The following PPM1B variants were observed in gnomAD, a reference collection of about 807,000 sequenced individuals.
PPM1B encodes protein phosphatase, Mg2+/Mn2+ dependent 1B.
Under a neutral mutation model 43.0 loss-of-function variants are expected in PPM1B, and 22 were observed. The observed-to-expected ratio is 0.51, with a 90% CI of 0.37 to 0.73. The LOEUF is 0.73. PPM1B is among the 30% of genes least tolerant of loss of function. The probability of loss-of-function intolerance (pLI) is 0.00; values close to 1 mark genes in which losing one functional copy is unlikely to be tolerated. For synonymous variants in PPM1B, 217 were observed against 197.9 expected (o/e 1.10, Z -0.81); for missense variants, 632 against 584.2 (o/e 1.08, Z -0.84).
chr2:44,241,006 A>T lies in PPM1B; in HGVS notation n.1547-3222A>T, dbSNP rs961199143. ...GAAATTGGGAAGCATCTTTATTTTT[A>T]TTTTTTTTTTTTTTGAGACGGAGTT... On this transcript the variant is annotated intron_variant and non_coding_transcript_variant, in intron 5 of 5. Transcript: ENST00000378540. Among the ~76,000 whole-genome samples the T allele has an allele frequency of 1.6e-4, 21 of 133,758 alleles. 2 individuals carry two copies. Among genetic ancestry groups the T allele is most frequent in the Admixed American group, 5.2e-4 (7 of 13,528 alleles). The allele number at this position is 133,758 out of a possible 152,430, so 87.8% of individuals were successfully genotyped here.
chr2:44,171,256 A>G (rs992116553), intron 1 of PPM1B, among the ~76,000 whole-genome samples: 13 of 152,132 alleles, frequency 8.5e-5, no homozygotes, highest in African/African-American at 3.1e-4. Context: ...ATGTCAGTAA[A>G]TACTGTTTTA....
intron 1 of PPM1B, among the ~76,000 whole-genome samples, chr2:44,170,854 T>A (rs564836457): frequency 5.3e-5 from 8 of 152,346 alleles, no homozygotes; most frequent in African/African-American, 1.9e-4. Context: ...CTAATCGAAA[T>A]TTTAAAATTA....
intron 1 of PPM1B, among the ~76,000 whole-genome samples, chr2:44,186,795 G>T (rs1668145112): frequency 6.6e-6 from 1 of 152,202 alleles, no homozygotes; most frequent in African/African-American, 2.4e-5. Context: ...TTGATGAGAA[G>T]TCTCGTGCTA....
downstream of PPM1B, among the ~76,000 whole-genome samples, chr2:44,235,265 A>AGTGAAC (rs1415869226): frequency 2.0e-5 from 3 of 152,224 alleles, no homozygotes; most frequent in East Asian, 5.8e-4. Flanking sequence ...TCACTGAATT[A>AGTGAAC]TGCAGTTCTT....
rs1668812703 is a variant in PPM1B at position 44,199,304 on chromosome 2, A to AAAAAAAAAAAAAATAAAAAT, written c.-14-1868_-14-1849dup. 6.6e-5 allele frequency among the ~76,000 whole-genome samples: 8 copies of AAAAAAAAAAAAAATAAAAAT among 121,014 alleles called. No individual in the cohort carries two copies. The South Asian group carries it at 1.1e-3, about 16-fold the overall frequency. The allele number at this position is 121,014 out of a possible 152,430, so 79.4% of individuals were successfully genotyped here. On this transcript the variant is annotated intron_variant, in intron 1 of 5. Transcript: ENST00000282412. ...GTGGTGGCACGTGCCTGTAGATCTC[A>AAAAAAAAAAAAAATAAAAAT]AAAAAAAAAAAAATAAAAATAAAAA...
At chr2:44,232,962 A>C (rs149010220), downstream of PPM1B, 421 of 978,844 alleles carry the variant, frequency 4.3e-4, 9 homozygotes, top group East Asian at 0.035. Context: ...ATTTGGGAAT[A>C]ATATTATAAA....
intron 1 of PPM1B, among the ~76,000 whole-genome samples, chr2:44,195,412 A>G (rs901068854): frequency 2.6e-5 from 4 of 151,620 alleles, no homozygotes; most frequent in Non-Finnish European, 5.9e-5. Context: ...GGGTCTTGCT[A>G]TGTTGCCCAG....
chr2:44,227,842 T>G (rs959636116), intron 5 of PPM1B, among the ~76,000 whole-genome samples: 9 of 151,422 alleles, frequency 5.9e-5, no homozygotes, highest in Admixed American at 5.3e-4. Context: ...TTTTTTGCCA[T>G]GAGGATACTT....
chr2:44,223,763 C>T (rs891438731), intron 5 of PPM1B, among the ~76,000 whole-genome samples: 4 of 130,446 alleles, frequency 3.1e-5, no homozygotes, highest in East Asian at 4.6e-4. Context: ...TTGCGGTGAG[C>T]CAAGATTGCA....
At chr2:44,169,684 C>A (rs1434233737) in intron 1 of PPM1B, among the ~76,000 whole-genome samples, 1 of 152,248 alleles carries the variant, frequency 6.6e-6, no homozygotes, top group Non-Finnish European at 1.5e-5. Flanking sequence ...TTTTACCATT[C>A]GTTTCCTCAT....
intron 5 of PPM1B, among the ~76,000 whole-genome samples, chr2:44,243,956 C>A (rs1484903814): frequency 1.3e-5 from 2 of 152,008 alleles, no homozygotes; most frequent in Non-Finnish European, 1.5e-5. Flanking sequence ...TGAGTTCCAC[C>A]AGGAAGATGC....
At chr2:44,233,224 T>C (rs1476062631), downstream of PPM1B, 1 of 909,724 alleles carries the variant, frequency 1.1e-6, no homozygotes, top group Non-Finnish European at 1.3e-6. Context: ...TAATCATTTA[T>C]GTTATTTTAA....
At chr2:44,228,980 C>G (rs1239517024) in intron 5 of PPM1B, among the ~76,000 whole-genome samples, 2 of 151,960 alleles carry the variant, frequency 1.3e-5, no homozygotes, top group Non-Finnish European at 2.9e-5. Context: ...GTTGGGAGTT[C>G]GAGACCAGCC....
In PPM1B at chr2:44,230,841, T is replaced by C; in HGVS notation, c.*123T>C. ...GAAAACTAGTTTTATTATATTCAGA[T>C]AGCCTTGTTTTTTAAAAAGGCCTTT... On this transcript the variant is annotated 3_prime_UTR_variant, in exon 6 of 6. Transcript: ENST00000282412. 3 of 1,443,288 alleles carry C rather than the reference T, an allele frequency of 2.1e-6. No homozygotes were observed. The highest frequency in any genetic ancestry group is 1.5e-5 in the South Asian group (1 of 66,330). 89.4% of individuals were successfully genotyped at this position (1,443,288 alleles called of 1,614,324 possible).
chr2:44,212,820 C>G (rs971580489), intron 3 of PPM1B, among the ~76,000 whole-genome samples: 4 of 152,008 alleles, frequency 2.6e-5, no homozygotes, highest in Non-Finnish European at 5.9e-5. Context: ...ACCATCCTGG[C>G]TAACACGGTG....
intron 3 of PPM1B, 62 bp downstream of exon 3, chr2:44,209,389 C>T (rs1266643214): frequency 1.9e-6 from 3 of 1,553,302 alleles, no homozygotes; most frequent in Non-Finnish European, 1.7e-6. Context: ...GCCTGTAATC[C>T]TAGCACTTTT....
chr2:44,234,360 A>C (rs928069004), downstream of PPM1B: 11 of 537,054 alleles, frequency 2.0e-5, no homozygotes, highest in Admixed American at 6.4e-5. Flanking sequence ...CTCTACTAAA[A>C]ATACAAAGAT....
chr2:44,246,338 C>T (rs980848847), downstream of PPM1B, among the ~76,000 whole-genome samples: 1 of 152,102 alleles, frequency 6.6e-6, no homozygotes, highest in Non-Finnish European at 1.5e-5. Flanking sequence ...TTTGCAGGAC[C>T]TTTATTTGTT....
intron 1 of PPM1B, among the ~76,000 whole-genome samples, chr2:44,194,449 C>T (rs1361682650): frequency 4.6e-5 from 7 of 152,050 alleles, no homozygotes; most frequent in African/African-American, 1.2e-4. Flanking sequence ...GCAGGCCGGG[C>T]GTGTTGGCTC....
Sources: allele counts gnomAD v4.1 joint callset (sites outside exome capture counted in the v4.1 genomes callset), GRCh38; gene constraint gnomAD v4.1.1; transcripts MANE v1.5; gene names NCBI Gene and HGNC (gene_info 2026-07-23, HGNC 2026-07-21).